Variants in TNIP3 observed in about 807,000 individuals in gnomAD.
The protein encoded by TNIP3 is TNFAIP3-interacting protein 3.
TNIP3 carries 34 observed loss-of-function variants against 54.1 expected under a neutral mutation model. The ratio of observed to expected loss-of-function variants is 0.63; its 90% CI spans 0.48 to 0.84. The LOEUF (loss-of-function observed/expected upper bound fraction) is 0.84. Among genes scored for constraint, TNIP3 ranks in the 40% least tolerant of loss-of-function variants. The pLI is 0.00. For synonymous variants in TNIP3, 134 were observed against 136.8 expected, an observed-to-expected ratio of 0.98 and a Z score of 0.14; for missense variants, 366 against 387.6, an observed-to-expected ratio of 0.94 and a Z score of 0.47.
At chr4:121,169,462 AT>A (rs1041153182) in intron 3 of TNIP3, among the ~76,000 whole-genome samples, 2 of 151,696 alleles carry the variant, frequency 1.3e-5, no homozygotes, top group African/African-American at 4.8e-5. Context: ...ATAACACTAA[AT>A]TTTTTTCTTC....
chr4:121,159,466 T>A (rs972703857), intron 2 of TNIP3, among the ~76,000 whole-genome samples: 1 of 152,248 alleles, frequency 6.6e-6, no homozygotes, highest in African/African-American at 2.4e-5. Flanking sequence ...TTTCCCAAAC[T>A]TTTTCGTATT....
intron 1 of TNIP3, among the ~76,000 whole-genome samples, chr4:121,224,761 A>G (rs1727188116): frequency 6.6e-6 from 1 of 152,132 alleles, no homozygotes; most frequent in African/African-American, 2.4e-5. Context: ...TTTTTCTCTT[A>G]TTTTAATATC....
chr4:121,151,452 A>AT (rs778113938), intron 5 of TNIP3, among the ~76,000 whole-genome samples: 68 of 152,070 alleles, frequency 4.5e-4, no homozygotes, highest in Middle Eastern at 3.4e-3. Flanking sequence ...TATGAATATC[A>AT]TTTTTTTTCA....
chr4:121,139,840 G>A (rs1301087650), intron 9 of TNIP3, among the ~76,000 whole-genome samples: 1 of 152,204 alleles, frequency 6.6e-6, no homozygotes, highest in African/African-American at 2.4e-5. Flanking sequence ...TAAGTGACGT[G>A]AGCCTCAGTT....
intron 5 of TNIP3, among the ~76,000 whole-genome samples, chr4:121,153,237 T>G (rs1729871309): frequency 6.6e-6 from 1 of 152,172 alleles, no homozygotes; most frequent in African/African-American, 2.4e-5. Context: ...TTTTTCTAAC[T>G]TGAAACAATT....
rs528045262 is a variant in TNIP3 at position 121,176,894 on chromosome 4, A to C, written c.189+5782T>G. 8.5e-5 allele frequency among the ~76,000 whole-genome samples: 13 copies of C among 152,164 alleles called. No homozygotes were observed. The South Asian group carries it at 1.2e-3, about 15-fold the overall frequency. On this transcript the variant is annotated intron_variant, in intron 3 of 12. Transcript: ENST00000507879. ...CCAGGTCTAGAACTTGTCCCCAGCCACTGGGAGTTCCTCCCTTAACTTGTA... is the reference window on the plus strand; with the variant it reads ...CCAGGTCTAGAACTTGTCCCCAGCCCCTGGGAGTTCCTCCCTTAACTTGTA...
At chr4:121,185,189 C>T (rs114582404) in intron 2 of TNIP3, among the ~76,000 whole-genome samples, 3 of 152,180 alleles carry the variant, frequency 2.0e-5, no homozygotes, top group Non-Finnish European at 4.4e-5. Flanking sequence ...TCTAATCTCA[C>T]CTTCTACTCT....
At chr4:121,134,487 G>A (rs895083515) in intron 10 of TNIP3, among the ~76,000 whole-genome samples, 3 of 152,218 alleles carry the variant, frequency 2.0e-5, no homozygotes, top group African/African-American at 7.2e-5. Context: ...AACAAAAGCT[G>A]TAACTCATTA....
chr4:121,196,272 T>TA (rs1326796904), intron 2 of TNIP3, among the ~76,000 whole-genome samples: 2 of 152,236 alleles, frequency 1.3e-5, no homozygotes, highest in African/African-American at 4.8e-5. Flanking sequence ...AATACTGTGA[T>TA]AAAAATCCAT....
chr4:121,199,658 C>A (rs1405192832), intron 2 of TNIP3, among the ~76,000 whole-genome samples: 1 of 152,184 alleles, frequency 6.6e-6, no homozygotes, highest in Non-Finnish European at 1.5e-5. Context: ...GTGCACCAAG[C>A]TTCAACAGCC....
At chr4:121,208,399 A>T (rs1726300342) in intron 2 of TNIP3, among the ~76,000 whole-genome samples, 1 of 152,124 alleles carries the variant, frequency 6.6e-6, no homozygotes, top group Non-Finnish European at 1.5e-5. Context: ...AAACTGATTC[A>T]TCTGGTCTTG....
chr4:121,193,737 C>T (rs185924946), intron 2 of TNIP3, among the ~76,000 whole-genome samples: 1 of 152,078 alleles, frequency 6.6e-6, no homozygotes, highest in East Asian at 1.9e-4. Flanking sequence ...CCACTTTAAT[C>T]AAATGATCAA....
At chr4:121,226,205 A>G (rs899183462) in intron 1 of TNIP3, among the ~76,000 whole-genome samples, 1 of 151,988 alleles carries the variant, frequency 6.6e-6, no homozygotes, top group Non-Finnish European at 1.5e-5. Context: ...AGAGAGTGAC[A>G]GGAAAAGAGA....
chr4:121,148,694 A>C (rs1220119233), intron 6 of TNIP3, among the ~76,000 whole-genome samples: 1 of 152,234 alleles, frequency 6.6e-6, no homozygotes, highest in Non-Finnish European at 1.5e-5. Flanking sequence ...CAGAAAATCC[A>C]ACTTCACCAT....
intron 6 of TNIP3, among the ~76,000 whole-genome samples, chr4:121,147,550 T>G (rs994264532): frequency 1.3e-5 from 2 of 152,236 alleles, no homozygotes; most frequent in South Asian, 4.1e-4. Context: ...TTATTTTGGA[T>G]GTATCTCATA....
intron 2 of TNIP3, among the ~76,000 whole-genome samples, chr4:121,187,643 TC>T (rs1281305452): frequency 3.3e-5 from 5 of 152,174 alleles, no homozygotes; most frequent in African/African-American, 1.2e-4. Flanking sequence ...CAACTATAGG[TC>T]CCTCCAACTG....
intron 2 of TNIP3, among the ~76,000 whole-genome samples, chr4:121,190,601 C>G (rs1725256150): frequency 6.6e-6 from 1 of 152,150 alleles, no homozygotes; most frequent in Non-Finnish European, 1.5e-5. Flanking sequence ...TAACAGGGGA[C>G]ACACCTGTCT....
chr4:121,145,872 G>A (rs1729396662), intron 7 of TNIP3, among the ~76,000 whole-genome samples: 3 of 151,564 alleles, frequency 2.0e-5, no homozygotes, highest in Non-Finnish European at 4.4e-5. Flanking sequence ...AGCTACTTGG[G>A]AGGCTGAGGC....
chr4:121,193,959 A>C (rs1725433956), intron 2 of TNIP3, among the ~76,000 whole-genome samples: 1 of 152,160 alleles, frequency 6.6e-6, no homozygotes, highest in African/African-American at 2.4e-5. Context: ...TTAAGCCAAG[A>C]CTGAGAAACT....
Sources: allele counts gnomAD v4.1 joint callset (sites outside exome capture counted in the v4.1 genomes callset), GRCh38; gene constraint gnomAD v4.1.1; transcripts MANE v1.5; gene names NCBI Gene and HGNC (gene_info 2026-07-23, HGNC 2026-07-21).